Variants in USP24 observed in about 807,000 individuals in gnomAD.
USP24 encodes ubiquitin specific peptidase 24, also known as ubiquitin carboxyl-terminal hydrolase 24.
In USP24, 97 loss-of-function variants were observed where a neutral mutation model predicts 361.6. The observed-to-expected ratio is 0.27, with a 90% CI of 0.23 to 0.32. The LOEUF is 0.32. Ranked by LOEUF, USP24 falls within the 10% of genes least tolerant of loss-of-function variation. USP24 has a pLI of 1.00. For missense variants in USP24, 2,353 were observed against 3,165.6 expected, an observed-to-expected ratio of 0.74 and a Z score of 6.16; for synonymous variants, 1,098 against 1,124.6, an observed-to-expected ratio of 0.98 and a Z score of 0.47.
chr1:55,139,031 G>C, intron 24 of USP24, 21 bp from the exon 25 acceptor site: 1 of 1,518,254 alleles, frequency 6.6e-7, no homozygotes, highest in Admixed American at 1.8e-5. Context: ...AAAAAAAAAA[G>C]TATTAAAATG....
intron 35 of USP24, among the ~76,000 whole-genome samples, 165 bp from the exon 36 acceptor site, chr1:55,123,767 CACT>C (rs985687375): frequency 2.6e-5 from 4 of 152,210 alleles, no homozygotes; most frequent in African/African-American, 9.7e-5. Flanking sequence ...GAAACACTCT[CACT>C]ACTTTTTCTT....
rs1012668517 is a variant in USP24 at position 55,066,399 on chromosome 1, G to C, written c.*2646C>G. ...TTTATTTTATACTCTTAGAAGCTAA[G>C]AACTTTGCCACACATGAACCAAATT... On this transcript the variant is annotated 3_prime_UTR_variant, in exon 68 of 68. Coordinates refer to ENST00000294383, the MANE Select transcript of USP24 (RefSeq NM_015306.3). The C allele has an allele frequency of 2.6e-5, 4 of 152,166 alleles. No individual in the cohort carries two copies. Among genetic ancestry groups the C allele is most frequent in the South Asian group, 2.1e-4 (1 of 4,828 alleles). 9.4% of individuals were successfully genotyped at this position (152,166 alleles called of 1,614,324 possible).
chr1:55,145,049 T>C (rs893626603), intron 20 of USP24, among the ~76,000 whole-genome samples: 4 of 152,252 alleles, frequency 2.6e-5, no homozygotes, highest in South Asian at 4.2e-4. Flanking sequence ...TGTGAAGAAA[T>C]TGGAACCCTC....
intron 1 of USP24, among the ~76,000 whole-genome samples, chr1:55,203,330 A>G (rs376439764): frequency 1.3e-5 from 2 of 152,234 alleles, no homozygotes; most frequent in East Asian, 3.9e-4. Context: ...AGACATCTCA[A>G]GAGGCAGAAG....
At chr1:55,149,403 G>A (rs765094077) in intron 16 of USP24, among the ~76,000 whole-genome samples, 8 of 152,126 alleles carry the variant, frequency 5.3e-5, no homozygotes, top group Non-Finnish European at 8.8e-5. Flanking sequence ...TGAAGTTTTT[G>A]TTTTAATGCC....
intron 45 of USP24, 54 bp from the exon 46 acceptor site, chr1:55,098,612 T>C (rs1029175529): frequency 1.7e-5 from 22 of 1,285,338 alleles, no homozygotes; most frequent in Non-Finnish European, 2.5e-5. Context: ...CTTATGAGTA[T>C]ACAGAATTTT....
At chr1:55,101,845 T>TG (rs1246203458) in intron 42 of USP24, 142 bp from the exon 43 acceptor site, 1 of 1,106,584 alleles carries the variant, frequency 9.0e-7, no homozygotes, top group Non-Finnish European at 1.2e-6. Context: ...GCAAAACCTA[T>TG]GTTCATGAAG....
At chr1:55,163,373 A>AATAG (rs969600075) in intron 7 of USP24, among the ~76,000 whole-genome samples, 81 of 152,102 alleles carry the variant, frequency 5.3e-4, no homozygotes, top group African/African-American at 1.8e-3. Context: ...AAATATGCAA[A>AATAG]ATAGATACAG....
intron 59 of USP24, among the ~76,000 whole-genome samples, chr1:55,080,663 T>G (rs140804950): frequency 1.3e-5 from 2 of 152,254 alleles, no homozygotes; most frequent in East Asian, 3.9e-4. Flanking sequence ...ATTACTATGG[T>G]TGTTGTCACT....
intron 1 of USP24, among the ~76,000 whole-genome samples, chr1:55,180,026 C>G (rs999686230): frequency 3.3e-5 from 5 of 152,204 alleles, no homozygotes; most frequent in African/African-American, 1.2e-4. Context: ...GGTCTATCCC[C>G]TAACTGTCTC....
chr1:55,150,807 G>C (rs552071457), intron 16 of USP24, among the ~76,000 whole-genome samples: 2 of 152,296 alleles, frequency 1.3e-5, no homozygotes, highest in Admixed American at 1.3e-4. Context: ...ATGACGTGGT[G>C]ACAAGTTATA....
intron 2 of USP24, among the ~76,000 whole-genome samples, chr1:55,177,447 G>A (rs1308991478): frequency 2.0e-5 from 3 of 152,066 alleles, no homozygotes; most frequent in Non-Finnish European, 1.5e-5. Flanking sequence ...AAGCCAGTCA[G>A]AAATACACCA....
intron 38 of USP24, among the ~76,000 whole-genome samples, chr1:55,119,897 A>G (rs1002522671): frequency 3.9e-5 from 6 of 152,180 alleles, no homozygotes; most frequent in African/African-American, 1.4e-4. Flanking sequence ...AGGATGATGC[A>G]AAAGTTTTGG....
chr1:55,155,322 A>G (rs968669367), intron 12 of USP24, among the ~76,000 whole-genome samples: 1 of 152,198 alleles, frequency 6.6e-6, no homozygotes, highest in Non-Finnish European at 1.5e-5. Context: ...TATAACGTCA[A>G]TTATGTCACT....
rs1021602505 is a variant in USP24 at position 55,075,656 on chromosome 1, ACAACAACAACACCAC to A, written c.7381-148_7381-134del. ...AACAACAACAACAACAACAACAACA[ACAACAACAACACCAC>A]CACCACCAATACAGGACGGGCATGG... is the stretch of plus-strand genomic sequence containing the variant. On this transcript the variant is annotated intron_variant, in intron 62 of 67. Transcript: ENST00000294383. 33 of 498,940 alleles carry A rather than the reference ACAACAACAACACCAC, an allele frequency of 6.6e-5. No individual in the cohort carries two copies. The African/African-American group carries it at 8.1e-4, about 12-fold the overall frequency. The allele number at this position is 498,940 out of a possible 1,614,324, so 30.9% of individuals were successfully genotyped here. A position where few individuals can be genotyped will look rare whatever the true frequency, so the allele number is the denominator to read the frequency against.
chr1:55,144,055 C>CTTT, intron 21 of USP24, 72 bp downstream of exon 21: 4 of 1,084,866 alleles, frequency 3.7e-6, no homozygotes, highest in East Asian at 3.2e-5. Flanking sequence ...AATTATAACA[C>CTTT]TTTTTTTTTT....
intron 63 of USP24, among the ~76,000 whole-genome samples, 158 bp downstream of exon 63, chr1:55,075,299 T>C (rs1366340677): frequency 6.6e-6 from 1 of 152,068 alleles, no homozygotes; most frequent in Non-Finnish European, 1.5e-5. Flanking sequence ...TTTTAATTTT[T>C]CTGACCAGAA....
intron 8 of USP24, among the ~76,000 whole-genome samples, chr1:55,161,430 T>TA (rs991611445): frequency 8.1e-5 from 12 of 148,910 alleles, no homozygotes; most frequent in East Asian, 3.9e-4. Flanking sequence ...CAGAACCTAC[T>TA]AAAAAAAAAT....
chr1:55,124,697 C>CT, intron 34 of USP24, 69 bp from the exon 35 acceptor site: 1 of 1,549,712 alleles, frequency 6.5e-7, no homozygotes, highest in Non-Finnish European at 8.8e-7. Flanking sequence ...GTACAACCTT[C>CT]TTACAGGTCT....
Sources: gnomAD v4.1 joint callset for allele counts (sites outside exome capture counted in the v4.1 genomes callset) on GRCh38, gnomAD v4.1.1 for gene constraint, MANE v1.5 for transcripts, NCBI Gene and HGNC (gene_info 2026-07-23, HGNC 2026-07-21) for gene names.